FARS2: variants seen among roughly 807,000 people sequenced by gnomAD.
FARS2 encodes phenylalanine--tRNA ligase, mitochondrial.
Under a neutral mutation model 46.4 loss-of-function variants are expected in FARS2, and 40 were observed. The observed-to-expected ratio is 0.86, with a 90% confidence interval of 0.67 to 1.12. The LOEUF is 1.12. FARS2 is among the 50% of genes most tolerant of loss of function. The probability of loss-of-function intolerance (pLI) is 0.00; values close to 1 mark genes in which losing one functional copy is unlikely to be tolerated. For synonymous variants in FARS2, 234 were observed against 214.9 expected, an observed-to-expected ratio of 1.09 and a Z score of -0.78; for missense variants, 513 against 567.9, an observed-to-expected ratio of 0.90 and a Z score of 0.98.
At chr6:5,637,259 T>A (rs1776590069) in intron 6 of FARS2, among the ~76,000 whole-genome samples, 1 of 152,238 alleles carries the variant, frequency 6.6e-6, no homozygotes, top group Non-Finnish European at 1.5e-5. Context: ...ATCTTCCACA[T>A]ATCACAACTA....
chr6:5,609,658 A>G (rs1775062199), intron 5 of FARS2: 2 of 1,243,122 alleles, frequency 1.6e-6, no homozygotes, highest in Admixed American at 1.7e-5. Flanking sequence ...GGGCTTTCCT[A>G]ACTTCACAGT....
intron 6 of FARS2, among the ~76,000 whole-genome samples, chr6:5,724,834 C>T (rs993407453): frequency 6.6e-6 from 1 of 152,246 alleles, no homozygotes; most frequent in African/African-American, 2.4e-5. Context: ...TTCAGGTCTC[C>T]ACAGTAACAT....
intron 1 of FARS2, among the ~76,000 whole-genome samples, chr6:5,283,393 A>G: frequency 6.6e-6 from 1 of 150,716 alleles, no homozygotes. Flanking sequence ...AAAAAAAAAA[A>G]AACAAATTAG....
intron 1 of FARS2, among the ~76,000 whole-genome samples, chr6:5,284,937 A>G (rs868560100): frequency 2.6e-5 from 4 of 152,116 alleles, no homozygotes; most frequent in African/African-American, 4.8e-5. Flanking sequence ...CTGGAACTCA[A>G]TGTGTCTGAA....
In FARS2 at chr6:5,404,635, G is replaced by A. The variant is rs369015058; in HGVS notation, c.706G>A (p.Val236Met). The change falls in exon 3 of 7, where the codon GTG becomes ATG. Residue 236 changes from valine to methionine, a missense_variant. Physicochemically the swap from Val to Met is conservative, Grantham distance 21. Transcript: ENST00000274680. ...HKQETHTMEA[V>M]KLVEFDLKQT... is the part of the protein sequence containing the mutation. ...ACAAGAGACACACACCATGGAGGCCGTGAAGCTTGTAGAGTTTGATCTTAA... is the reference window on the plus strand; with the variant it reads ...ACAAGAGACACACACCATGGAGGCCATGAAGCTTGTAGAGTTTGATCTTAA... 4.2e-5 allele frequency: 67 copies of A among 1,612,562 alleles called. No homozygotes were observed. Among genetic ancestry groups the A allele is most frequent in the Middle Eastern group, 1.7e-4 (1 of 6,028 alleles).
intron 4 of FARS2, among the ~76,000 whole-genome samples, chr6:5,470,502 T>TACATGTTA (rs543701305): frequency 1.4e-3 from 207 of 152,346 alleles, no homozygotes; most frequent in African/African-American, 4.7e-3. Context: ...TCCAGATGTA[T>TACATGTTA]ACATGTTAAG....
At chr6:5,645,206 T>C (rs1777018390) in intron 6 of FARS2, among the ~76,000 whole-genome samples, 1 of 152,206 alleles carries the variant, frequency 6.6e-6, no homozygotes, top group Non-Finnish European at 1.5e-5. Flanking sequence ...CCCTCTGGTG[T>C]AAAATTAGGC....
chr6:5,431,065 G>A lies in FARS2; in HGVS notation c.797G>A (p.Cys266Tyr), dbSNP rs764336106. The A allele has an allele frequency of 1.2e-6, 2 of 1,613,750 alleles. No individual in the cohort carries two copies. Among genetic ancestry groups the A allele is most frequent in the South Asian group, 2.2e-5 (2 of 91,058 alleles). ...GDELEIRWVD[C>Y]YFPFTHPSFE... Reference sequence around the variant, plus strand: ...GAGCTGGAGATAAGATGGGTAGACTGCTACTTCCCTTTTACACATCCTTCC... The same window carrying A: ...GAGCTGGAGATAAGATGGGTAGACTACTACTTCCCTTTTACACATCCTTCC... The change falls in exon 4 of 7, where the codon TGC (cysteine) becomes TAC (tyrosine). Residue 266 changes from cysteine (C) to tyrosine (Y), a missense_variant. Coordinates refer to ENST00000274680, the MANE Select transcript of FARS2 (RefSeq NM_006567.5).
intron 4 of FARS2, among the ~76,000 whole-genome samples, chr6:5,509,100 T>A (rs1314521302): frequency 6.6e-6 from 1 of 152,234 alleles, no homozygotes; most frequent in Non-Finnish European, 1.5e-5. Flanking sequence ...ACACCATAGT[T>A]TGCCAATCCC....
intron 4 of FARS2, among the ~76,000 whole-genome samples, chr6:5,493,581 TCTA>T (rs1388830726): frequency 6.6e-6 from 1 of 152,138 alleles, no homozygotes; most frequent in Non-Finnish European, 1.5e-5. Flanking sequence ...GGACTGGAGA[TCTA>T]ACTTCTAGCT....
At chr6:5,425,351 C>A (rs989196619) in intron 3 of FARS2, among the ~76,000 whole-genome samples, 5 of 152,150 alleles carry the variant, frequency 3.3e-5, no homozygotes, top group Non-Finnish European at 7.3e-5. Context: ...GCAGAAGAAT[C>A]TCTTTAATGA....
chr6:5,252,161 C>T, the FARS2 span, among the ~76,000 whole-genome samples: 3 of 152,210 alleles, frequency 2.0e-5, no homozygotes, highest in South Asian at 2.1e-4. Context: ...TAAGGAGGAA[C>T]TGTGAAAATA....
intron 4 of FARS2, among the ~76,000 whole-genome samples, chr6:5,457,523 TACC>T (rs1258751102): frequency 6.6e-6 from 1 of 152,236 alleles, no homozygotes; most frequent in Non-Finnish European, 1.5e-5. Flanking sequence ...CTGTGATATT[TACC>T]ACATTTTACC....
chr6:5,280,429 C>T (rs948776781), intron 1 of FARS2, among the ~76,000 whole-genome samples: 1 of 149,730 alleles, frequency 6.7e-6, no homozygotes, highest in Non-Finnish European at 1.5e-5. Context: ...AGAAGGAGAA[C>T]TGCCTTGGAT....
intron 2 of FARS2, among the ~76,000 whole-genome samples, chr6:5,369,457 T>C (rs1033429796): frequency 6.6e-6 from 1 of 152,210 alleles, no homozygotes; most frequent in Non-Finnish European, 1.5e-5. Flanking sequence ...TTCTCTGGGT[T>C]ACTTCTTATG....
chr6:5,364,597 G>A (rs1289364084), intron 1 of FARS2, among the ~76,000 whole-genome samples: 1 of 152,164 alleles, frequency 6.6e-6, no homozygotes, highest in Non-Finnish European at 1.5e-5. Context: ...CTCTATAACA[G>A]ACCAGAGAGT....
intron 6 of FARS2, among the ~76,000 whole-genome samples, chr6:5,695,818 A>C (rs1475482611): frequency 6.6e-6 from 1 of 152,204 alleles, no homozygotes; most frequent in Non-Finnish European, 1.5e-5. Flanking sequence ...CGCACCAAAA[A>C]ATTGGATCAG....
chr6:5,325,849 A>C (rs1184279443), intron 1 of FARS2, among the ~76,000 whole-genome samples: 10 of 152,220 alleles, frequency 6.6e-5, no homozygotes, highest in Admixed American at 6.5e-4. Context: ...GCTGTTAACA[A>C]AAAGTAAGTA....
intron 5 of FARS2, among the ~76,000 whole-genome samples, chr6:5,576,698 T>C (rs887474982): frequency 6.6e-6 from 1 of 150,452 alleles, no homozygotes; most frequent in African/African-American, 2.4e-5. Flanking sequence ...TGACATTCTT[T>C]TATAAGGAAG....
Sources: allele counts gnomAD v4.1 joint callset (sites outside exome capture counted in the v4.1 genomes callset), GRCh38; gene constraint gnomAD v4.1.1; transcripts MANE v1.5; gene names NCBI Gene and HGNC (gene_info 2026-07-23, HGNC 2026-07-21).